Variants in KCNN2 observed in about 807,000 individuals in gnomAD.
The protein encoded by KCNN2 is potassium calcium-activated channel subfamily N member 2.
KCNN2 carries 24 observed loss-of-function variants against 55.5 expected under a neutral mutation model. The observed-to-expected ratio is 0.43, with a 90% CI of 0.31 to 0.61. The LOEUF is 0.61. KCNN2 is among the 20% of genes least tolerant of loss of function. The pLI, the probability that KCNN2 is intolerant of heterozygous loss-of-function variation, is 0.08. For missense variants in KCNN2, 754 were observed against 853.6 expected (o/e 0.88, Z 1.45); for synonymous variants, 431 against 336.1 (o/e 1.28, Z -3.09).
chr5:114,280,754 T>G (rs1340193383), intron 2 of KCNN2, among the ~76,000 whole-genome samples: 3 of 152,112 alleles, frequency 2.0e-5, no homozygotes, highest in Admixed American at 6.5e-5. Context: ...ACACTCAGAG[T>G]GACCCTTTTA....
intron 1 of KCNN2, among the ~76,000 whole-genome samples, chr5:114,092,158 G>C (rs1437478975): frequency 6.6e-6 from 1 of 152,188 alleles, no homozygotes; most frequent in East Asian, 1.9e-4. Flanking sequence ...GAGCGGGGGT[G>C]GGTACAGGCA....
chr5:114,329,224 A>G (rs1003734461), intron 2 of KCNN2, among the ~76,000 whole-genome samples: 3 of 152,172 alleles, frequency 2.0e-5, no homozygotes, highest in Non-Finnish European at 2.9e-5. Context: ...GTCCAGCGTG[A>G]TGGTTAATAT....
intron 2 of KCNN2, among the ~76,000 whole-genome samples, chr5:114,389,717 G>T (rs1008011385): frequency 2.8e-4 from 43 of 152,122 alleles, no homozygotes; most frequent in Admixed American, 2.7e-3. Context: ...AAACTAGGAC[G>T]TAGTCTATTT....
At chr5:114,332,997 C>T (rs1473055406) in intron 2 of KCNN2, among the ~76,000 whole-genome samples, 2 of 152,138 alleles carry the variant, frequency 1.3e-5, no homozygotes, top group Admixed American at 6.5e-5. Flanking sequence ...CCTGGTCTCG[C>T]CTCACAATAA....
At chr5:114,234,082 C>T (rs1474030291) in intron 2 of KCNN2, among the ~76,000 whole-genome samples, 2 of 151,508 alleles carry the variant, frequency 1.3e-5, no homozygotes, top group Non-Finnish European at 2.9e-5. Context: ...TTTTTCCTCA[C>T]CTAGTTATTT....
chr5:114,374,107 G>A (rs1312953829), intron 2 of KCNN2, among the ~76,000 whole-genome samples: 1 of 152,006 alleles, frequency 6.6e-6, no homozygotes, highest in African/African-American at 2.4e-5. Flanking sequence ...CACCAAAATG[G>A]CCATTTTCCA....
At chr5:114,380,634 C>T (rs561308748) in intron 2 of KCNN2, among the ~76,000 whole-genome samples, 24 of 152,282 alleles carry the variant, frequency 1.6e-4, no homozygotes, top group South Asian at 1.0e-3. Context: ...ATCACACAAA[C>T]GGTAACATTA....
chr5:114,313,181 A>T (rs908516697), intron 2 of KCNN2, among the ~76,000 whole-genome samples: 3 of 152,076 alleles, frequency 2.0e-5, no homozygotes, highest in Non-Finnish European at 4.4e-5. Flanking sequence ...TCCTGTTTCC[A>T]TCTGCTGGAA....
At chr5:114,080,397 G>C (rs1042659332) in intron 1 of KCNN2, among the ~76,000 whole-genome samples, 1 of 152,162 alleles carries the variant, frequency 6.6e-6, no homozygotes, top group African/African-American at 2.4e-5. Flanking sequence ...GTTTGTTAGA[G>C]TTTACCAGTG....
intron 1 of KCNN2, among the ~76,000 whole-genome samples, chr5:114,194,788 A>G (rs1270037150): frequency 6.6e-6 from 1 of 151,926 alleles, no homozygotes; most frequent in Non-Finnish European, 1.5e-5. Context: ...TACTCCTGTG[A>G]GTCTTCTAAG....
intron 2 of KCNN2, among the ~76,000 whole-genome samples, chr5:114,279,295 C>A (rs1350362246): frequency 6.6e-6 from 1 of 151,856 alleles, no homozygotes; most frequent in Non-Finnish European, 1.5e-5. Flanking sequence ...AATCAAGTCA[C>A]TGTAATTTCT....
intron 3 of KCNN2, among the ~76,000 whole-genome samples, chr5:114,438,808 C>G (rs879493591): frequency 2.0e-5 from 3 of 152,162 alleles, no homozygotes; most frequent in African/African-American, 7.2e-5. Context: ...TGAAAACTCC[C>G]GTTGCTCTTA....
chr5:114,348,328 C>T (rs1410816589), intron 2 of KCNN2, among the ~76,000 whole-genome samples: 14 of 151,360 alleles, frequency 9.2e-5, no homozygotes, highest in Non-Finnish European at 1.5e-5. Context: ...TGCTAAATGA[C>T]GAGTTAATGG....
At chr5:114,484,010 A>G (rs1762344417) in intron 5 of KCNN2, among the ~76,000 whole-genome samples, 1 of 152,204 alleles carries the variant, frequency 6.6e-6, no homozygotes, top group Admixed American at 6.5e-5. Context: ...TAATTCATCC[A>G]TTATATGAAT....
chr5:114,396,015 C>G (rs1316857967), intron 2 of KCNN2, among the ~76,000 whole-genome samples: 1 of 152,230 alleles, frequency 6.6e-6, no homozygotes, highest in Non-Finnish European at 1.5e-5. Flanking sequence ...CATATATACT[C>G]AGATGTAAAT....
At chr5:114,301,348 A>G (rs1756155497) in intron 2 of KCNN2, among the ~76,000 whole-genome samples, 1 of 152,200 alleles carries the variant, frequency 6.6e-6, no homozygotes, top group South Asian at 2.1e-4. Context: ...AGCTACCTTC[A>G]TTCTGGTTAG....
exon 1 of KCNN2, chr5:114,056,281 C>T (rs1750204906): frequency 5.0e-6 from 2 of 398,006 alleles, no homozygotes; most frequent in African/African-American, 2.1e-5. Context: ...TCTCCCGGGC[C>T]GCAAGCAGGC....
chr5:114,296,709 G>A (rs950483504), intron 2 of KCNN2, among the ~76,000 whole-genome samples: 15 of 152,126 alleles, frequency 9.9e-5, no homozygotes, highest in African/African-American at 3.6e-4. Flanking sequence ...TTTTGTTTAG[G>A]TCATCAACTA....
At chr5:114,094,348 G>T (rs1751213013) in intron 1 of KCNN2, among the ~76,000 whole-genome samples, 1 of 152,144 alleles carries the variant, frequency 6.6e-6, no homozygotes, top group African/African-American at 2.4e-5. Context: ...TCTGAAAATT[G>T]TTGAGAAGGA....
Sources: gnomAD v4.1 joint callset for allele counts (sites outside exome capture counted in the v4.1 genomes callset) on GRCh38, gnomAD v4.1.1 for gene constraint, MANE v1.5 for transcripts, NCBI Gene and HGNC (gene_info 2026-07-23, HGNC 2026-07-21) for gene names.